RBFOX2: variants seen among roughly 807,000 people sequenced by gnomAD.
The protein encoded by RBFOX2 is RNA binding fox-1 homolog 2, also known as RNA binding protein fox-1 homolog 2.
In RBFOX2, 10 loss-of-function variants were observed where a neutral mutation model predicts 49.1. That is an observed-to-expected ratio of 0.20 (90% CI 0.13 to 0.35). The LOEUF is 0.35. Among genes scored for constraint, RBFOX2 ranks in the 10% least tolerant of loss-of-function variants. The pLI is 1.00. For synonymous variants in RBFOX2, 183 were observed against 187.4 expected (o/e 0.98, Z 0.19); for missense variants, 323 against 486.9 (o/e 0.66, Z 3.17).
In RBFOX2 at chr22:36,028,245, T is replaced by TC; in HGVS notation, c.180dup (p.Met61AspfsTer21). ...GCCCCGTCCCGCGCGGTCACCTGCA[T>TC]CCCGCCGCCACCGTCGGCCGCCGCC... On this transcript the variant is annotated frameshift_variant, in exon 1 of 14. Transcript: ENST00000438146. LOFTEE classifies it high-confidence loss of function. The TC allele has an allele frequency of 6.6e-7, 1 of 1,523,144 alleles. No homozygotes were observed. Among genetic ancestry groups the TC allele is most frequent in the Non-Finnish European group, 8.7e-7 (1 of 1,144,330 alleles). The allele number at this position is 1,523,144 out of a possible 1,614,324, so 94.4% of individuals were successfully genotyped here. A position where few individuals can be genotyped will look rare whatever the true frequency, so the allele number is the denominator to read the frequency against.
intron 1 of RBFOX2, among the ~76,000 whole-genome samples, chr22:35,883,942 C>T (rs2046247145): frequency 6.6e-6 from 1 of 151,778 alleles, no homozygotes; most frequent in African/African-American, 2.4e-5. Flanking sequence ...AAGTCACTCC[C>T]AGTTTAGATT....
chr22:35,984,470 A>G (rs2057608622), intron 1 of RBFOX2, among the ~76,000 whole-genome samples: 1 of 152,206 alleles, frequency 6.6e-6, no homozygotes, highest in Non-Finnish European at 1.5e-5. Context: ...CTGAAGGCAC[A>G]TTGGAACCAT....
intron 1 of RBFOX2, among the ~76,000 whole-genome samples, chr22:35,877,549 A>C (rs767676986): frequency 6.6e-6 from 1 of 152,184 alleles, no homozygotes; most frequent in Non-Finnish European, 1.5e-5. Context: ...ACTAACATAT[A>C]CTGAACATTT....
At chr22:35,916,975 T>C (rs1032843248) in intron 1 of RBFOX2, among the ~76,000 whole-genome samples, 5 of 152,124 alleles carry the variant, frequency 3.3e-5, no homozygotes, top group Non-Finnish European at 7.3e-5. Flanking sequence ...AAATAGTACC[T>C]GGTACTATAA....
At chr22:35,961,330 C>G (rs1214448070) in intron 1 of RBFOX2, among the ~76,000 whole-genome samples, 1 of 152,196 alleles carries the variant, frequency 6.6e-6, no homozygotes, top group Non-Finnish European at 1.5e-5. Context: ...TACATTGCTA[C>G]ATCTAGATGA....
exon 1 of RBFOX2, chr22:35,961,609 C>G: frequency 7.7e-7 from 1 of 1,304,156 alleles, no homozygotes; most frequent in Non-Finnish European, 1.0e-6. Context: ...TGACATCACT[C>G]TCTCTTCCTT....
At chr22:35,789,409 G>A (rs867988563) in intron 2 of RBFOX2, among the ~76,000 whole-genome samples, 1 of 152,032 alleles carries the variant, frequency 6.6e-6, no homozygotes, top group Non-Finnish European at 1.5e-5. Flanking sequence ...TGGGCGTGGT[G>A]GTGCGCGCCT....
At chr22:35,778,549 C>G (rs943114435) in intron 3 of RBFOX2, among the ~76,000 whole-genome samples, 1 of 152,062 alleles carries the variant, frequency 6.6e-6, no homozygotes, top group Admixed American at 6.6e-5. Context: ...GCAATCCTAT[C>G]ATCGTAATGC....
intron 1 of RBFOX2, among the ~76,000 whole-genome samples, chr22:35,815,025 G>T (rs537756261): frequency 2.0e-5 from 3 of 152,152 alleles, no homozygotes; most frequent in Admixed American, 1.3e-4. Context: ...TATTACAGTC[G>T]TCAAACAGGA....
intron 1 of RBFOX2, among the ~76,000 whole-genome samples, chr22:35,898,635 C>A (rs2048174603): frequency 6.6e-6 from 1 of 151,792 alleles, no homozygotes. Flanking sequence ...ACTATGTTGC[C>A]CAGGTTGGTC....
chr22:35,904,926 A>G (rs1187734031), intron 1 of RBFOX2, among the ~76,000 whole-genome samples: 1 of 152,238 alleles, frequency 6.6e-6, no homozygotes, highest in Middle Eastern at 3.2e-3. Context: ...AGTGGCTATC[A>G]TAATGGATAG....
intron 1 of RBFOX2, among the ~76,000 whole-genome samples, chr22:35,858,643 C>CTGGG (rs2042773683): frequency 6.6e-6 from 1 of 151,686 alleles, no homozygotes; most frequent in Non-Finnish European, 1.5e-5. Context: ...CTGGCCAACA[C>CTGGG]GGTGAAACCC....
intron 1 of RBFOX2, among the ~76,000 whole-genome samples, chr22:35,978,823 C>A (rs2057322158): frequency 6.6e-6 from 1 of 152,132 alleles, no homozygotes; most frequent in African/African-American, 2.4e-5. Context: ...CAAATACAGG[C>A]AGACACAGAA....
intron 1 of RBFOX2, among the ~76,000 whole-genome samples, chr22:36,022,803 G>GACAAA (rs1477480753): frequency 1.5e-4 from 23 of 152,112 alleles, no homozygotes; most frequent in Non-Finnish European, 2.9e-4. Context: ...CTCTCCCCCA[G>GACAAA]GGCACAGACA....
intron 1 of RBFOX2, among the ~76,000 whole-genome samples, chr22:36,023,198 G>A (rs967460429): frequency 9.9e-5 from 15 of 152,122 alleles, no homozygotes; most frequent in Non-Finnish European, 2.2e-4. Context: ...ATAAGCAAAT[G>A]GGAAGATAAA....
chr22:35,807,424 A>G (rs1950964150), intron 2 of RBFOX2, among the ~76,000 whole-genome samples: 1 of 152,138 alleles, frequency 6.6e-6, no homozygotes. Context: ...AAATTAAATT[A>G]TAAATCAATA....
intron 5 of RBFOX2, among the ~76,000 whole-genome samples, 169 bp from the exon 7 acceptor site, chr22:35,765,652 A>C (rs1940711018): frequency 1.3e-5 from 2 of 152,128 alleles, no homozygotes; most frequent in African/African-American, 4.8e-5. Context: ...TATTTTAATT[A>C]AAGTTCTTAT....
chr22:35,752,159 C>G (rs1226811650), intron 9 of RBFOX2, among the ~76,000 whole-genome samples: 1 of 152,166 alleles, frequency 6.6e-6, no homozygotes, highest in East Asian at 1.9e-4. Context: ...CCAATTACAA[C>G]TGGTATCTCA....
intron 1 of RBFOX2, among the ~76,000 whole-genome samples, chr22:35,953,363 A>C (rs575725980): frequency 6.6e-6 from 1 of 152,310 alleles, no homozygotes; most frequent in African/African-American, 2.4e-5. Context: ...CAACATGGAT[A>C]AACAATGAAA....
Sources: allele counts gnomAD v4.1 joint callset (sites outside exome capture counted in the v4.1 genomes callset), GRCh38; gene constraint gnomAD v4.1.1; transcripts MANE v1.5; gene names NCBI Gene and HGNC (gene_info 2026-07-23, HGNC 2026-07-21).